Variants in ZRANB3 observed in about 807,000 individuals in gnomAD.
The protein encoded by ZRANB3 is DNA annealing helicase and endonuclease ZRANB3.
A neutral mutation model predicts 133.8 loss-of-function variants in ZRANB3; 125 were observed. That is an observed-to-expected ratio of 0.93 (90% CI 0.81 to 1.08). The LOEUF (loss-of-function observed/expected upper bound fraction) is 1.08, where lower values mean the gene tolerates loss of function less well. ZRANB3 is among the 50% of genes least tolerant of loss of function. The pLI, the probability that ZRANB3 is intolerant of heterozygous loss-of-function variation, is 0.00. For synonymous variants in ZRANB3, 387 were observed against 432.7 expected, an observed-to-expected ratio of 0.89 and a Z score of 1.31; for missense variants, 1,229 against 1,275.5, an observed-to-expected ratio of 0.96 and a Z score of 0.56.
intron 11 of ZRANB3, among the ~76,000 whole-genome samples, chr2:135,266,102 G>C (rs894535272): frequency 2.0e-5 from 3 of 152,000 alleles, no homozygotes; most frequent in South Asian, 2.1e-4. Flanking sequence ...CCAGCTCCTT[G>C]GGAGGGTAAG....
At chr2:135,518,018 C>T (rs957769743) in intron 1 of ZRANB3, among the ~76,000 whole-genome samples, 21 of 152,234 alleles carry the variant, frequency 1.4e-4, no homozygotes, top group Admixed American at 1.2e-3. Context: ...CGGTGGGTTC[C>T]GCACCCAGTT....
chr2:135,364,997 A>G (rs2104891815), intron 3 of ZRANB3, among the ~76,000 whole-genome samples: 1 of 152,070 alleles, frequency 6.6e-6, no homozygotes, highest in Middle Eastern at 3.4e-3. Context: ...TGCAGTGAAC[A>G]GAGATGGTGC....
Position 135,265,683 on chromosome 2 carries a change from G to C in ZRANB3, c.1390C>G (p.Gln464Glu), listed in dbSNP as rs778599939. 2.2e-5 allele frequency: 35 copies of C among 1,609,190 alleles called. No individual in the cohort carries two copies. Among genetic ancestry groups the C allele is most frequent in the Non-Finnish European group, 2.9e-5 (34 of 1,178,128 alleles). The change falls in exon 12 of 21, where the codon CAA becomes GAA. Residue 464 changes from glutamine (Q) to glutamate (E), a missense_variant. By Grantham distance (29) the Gln-to-Glu change is conservative (BLOSUM62 2). Coordinates refer to ENST00000264159, the MANE Select transcript of ZRANB3 (RefSeq NM_032143.4). ...LMWGMLNRKA[Q>E]VTGSTLNGRK... ...CCGTTCAGTGTGCTCCCTGTAACTTGAGCCTACAAGAGGAAAAAGTAAATG... is the reference window on the plus strand; with the variant it reads ...CCGTTCAGTGTGCTCCCTGTAACTTCAGCCTACAAGAGGAAAAAGTAAATG...
intron 2 of ZRANB3, among the ~76,000 whole-genome samples, chr2:135,447,858 G>A (rs1254638855): frequency 2.6e-5 from 4 of 152,084 alleles, no homozygotes; most frequent in Non-Finnish European, 5.9e-5. Flanking sequence ...GATTTTGAGA[G>A]GGAAACAAGG....
At chr2:135,385,977 C>T (rs1686952510) in intron 3 of ZRANB3, among the ~76,000 whole-genome samples, 1 of 152,042 alleles carries the variant, frequency 6.6e-6, no homozygotes. Flanking sequence ...GCAACAAAAG[C>T]CAAAAGAGAC....
intron 2 of ZRANB3, among the ~76,000 whole-genome samples, chr2:135,454,701 A>T (rs979238940): frequency 6.6e-6 from 1 of 152,166 alleles, no homozygotes; most frequent in Admixed American, 6.5e-5. Context: ...TTAGTTTTCC[A>T]TTCCTGAGTT....
intron 3 of ZRANB3, among the ~76,000 whole-genome samples, chr2:135,367,079 C>T (rs1276778654): frequency 1.3e-5 from 2 of 152,070 alleles, no homozygotes; most frequent in African/African-American, 2.4e-5. Context: ...ATGATTTTTA[C>T]TCTAAAAACC....
At chr2:135,302,521 A>C (rs1682479980) in intron 8 of ZRANB3, among the ~76,000 whole-genome samples, 1 of 144,900 alleles carries the variant, frequency 6.9e-6, no homozygotes, top group Non-Finnish European at 1.5e-5. Flanking sequence ...ACTTCAAACC[A>C]GGGTTTGTTT....
At chr2:135,361,673 A>G (rs566126256) in intron 3 of ZRANB3, among the ~76,000 whole-genome samples, 1 of 152,220 alleles carries the variant, frequency 6.6e-6, no homozygotes, top group Non-Finnish European at 1.5e-5. Flanking sequence ...TGTTTGTTAT[A>G]AAAGAGATTG....
chr2:135,428,172 G>C (rs1689172711), intron 2 of ZRANB3, among the ~76,000 whole-genome samples: 1 of 152,204 alleles, frequency 6.6e-6, no homozygotes, highest in African/African-American at 2.4e-5. Context: ...GCCAGGTGCA[G>C]TGGCTCATGC....
chr2:135,344,382 C>T (rs895894333), intron 6 of ZRANB3, among the ~76,000 whole-genome samples: 12 of 152,110 alleles, frequency 7.9e-5, no homozygotes, highest in South Asian at 2.1e-4. Flanking sequence ...ATACTACAAA[C>T]GTCCAATAAG....
At chr2:135,337,747 C>T (rs1475916275) in intron 6 of ZRANB3, among the ~76,000 whole-genome samples, 1 of 152,132 alleles carries the variant, frequency 6.6e-6, no homozygotes, top group Non-Finnish European at 1.5e-5. Context: ...AGTCACAAAA[C>T]TATATTAAAT....
At chr2:135,494,162 GA>G (rs1692549518) in intron 2 of ZRANB3, among the ~76,000 whole-genome samples, 2 of 93,576 alleles carry the variant, frequency 2.1e-5, no homozygotes, top group Admixed American at 2.9e-4. Context: ...AGGAAGGAAG[GA>G]AGGGAGGGAG....
chr2:135,376,452 T>C (rs1216782115), intron 3 of ZRANB3, among the ~76,000 whole-genome samples: 2 of 152,160 alleles, frequency 1.3e-5, no homozygotes, highest in Non-Finnish European at 2.9e-5. Context: ...CTCTTCATCT[T>C]TGTGAACGAA....
At chr2:135,301,040 T>C (rs1021148650) in intron 8 of ZRANB3, among the ~76,000 whole-genome samples, 2 of 152,082 alleles carry the variant, frequency 1.3e-5, no homozygotes, top group African/African-American at 4.8e-5. Flanking sequence ...CCTCCTCTTC[T>C]TCCTCTGTCA....
intron 2 of ZRANB3, among the ~76,000 whole-genome samples, chr2:135,398,685 A>T (rs1687608216): frequency 7.0e-6 from 1 of 142,290 alleles, no homozygotes; most frequent in Non-Finnish European, 1.5e-5. Flanking sequence ...TGCCCAGCTA[A>T]TTTTTTTTTT....
intron 6 of ZRANB3, among the ~76,000 whole-genome samples, chr2:135,340,594 C>T (rs1684605061): frequency 6.6e-6 from 1 of 151,840 alleles, no homozygotes; most frequent in Non-Finnish European, 1.5e-5. Context: ...ACCTGTAATC[C>T]CAGCAACTTG....
intron 2 of ZRANB3, among the ~76,000 whole-genome samples, chr2:135,455,025 C>T (rs917779619): frequency 2.0e-5 from 3 of 152,000 alleles, no homozygotes; most frequent in Non-Finnish European, 4.4e-5. Flanking sequence ...GCACCAGAAA[C>T]CACAGAACAA....
chr2:135,446,754 T>C (rs1030790091), intron 2 of ZRANB3, among the ~76,000 whole-genome samples: 4 of 152,190 alleles, frequency 2.6e-5, no homozygotes, highest in Non-Finnish European at 5.9e-5. Context: ...TGAGAGACTG[T>C]GCAAAGGTGT....
Sources: allele counts gnomAD v4.1 joint callset (sites outside exome capture counted in the v4.1 genomes callset), GRCh38; gene constraint gnomAD v4.1.1; transcripts MANE v1.5; gene names NCBI Gene and HGNC (gene_info 2026-07-23, HGNC 2026-07-21).